Variants in JAK2 observed in about 807,000 individuals in gnomAD.
The protein encoded by JAK2 is Janus kinase 2, also known as tyrosine-protein kinase JAK2.
A neutral mutation model predicts 139.3 loss-of-function variants in JAK2; 86 were observed. That is an observed-to-expected ratio of 0.62 (90% CI 0.52 to 0.74). The LOEUF is 0.74. Among genes scored for constraint, JAK2 ranks in the 30% least tolerant of loss-of-function variants. The probability of loss-of-function intolerance (pLI) is 0.00; values close to 1 mark genes in which losing one functional copy is unlikely to be tolerated. For missense variants in JAK2, 1,421 were observed against 1,360.3 expected (o/e 1.04, Z -0.70); for synonymous variants, 490 against 437.7 (o/e 1.12, Z -1.49).
intron 22 of JAK2, among the ~76,000 whole-genome samples, chr9:5,116,472 A>T (rs533748644): frequency 7.2e-4 from 110 of 152,336 alleles, no homozygotes; most frequent in Non-Finnish European, 1.3e-3. Flanking sequence ...GACTCATCTA[A>T]AAATAATCAT....
intron 22 of JAK2, chr9:5,112,280 C>G (rs1371693564): frequency 1.1e-5 from 3 of 268,162 alleles, no homozygotes; most frequent in African/African-American, 2.3e-5. Context: ...CAGCGCCAGC[C>G]TCATGCACAT....
intron 2 of JAK2, among the ~76,000 whole-genome samples, chr9:5,013,489 T>G (rs1350863153): frequency 6.6e-6 from 1 of 152,234 alleles, no homozygotes; most frequent in Non-Finnish European, 1.5e-5. Flanking sequence ...CCATTGCCTT[T>G]TGGGACATTT....
At chr9:5,077,681 TG>T in intron 15 of JAK2, 101 bp downstream of exon 15, 9 of 648,176 alleles carry the variant, frequency 1.4e-5, no homozygotes, top group African/African-American at 1.9e-5. Flanking sequence ...TGTAATTGGA[TG>T]CCAATTCATG....
At chr9:5,056,856 A>G (rs1312945475) in intron 8 of JAK2, among the ~76,000 whole-genome samples, 4 of 152,192 alleles carry the variant, frequency 2.6e-5, no homozygotes, top group Non-Finnish European at 5.9e-5. Flanking sequence ...TAAGTCTGCA[A>G]TACAGAGAAG....
chr9:5,063,591 A>G (rs1818339291), intron 8 of JAK2, among the ~76,000 whole-genome samples: 1 of 152,144 alleles, frequency 6.6e-6, no homozygotes, highest in African/African-American at 2.4e-5. Flanking sequence ...TGTGATTGAG[A>G]CAAATTAGAA....
chr9:5,090,216 G>T (rs1421074922), intron 20 of JAK2, among the ~76,000 whole-genome samples: 1 of 152,188 alleles, frequency 6.6e-6, no homozygotes, highest in African/African-American at 2.4e-5. Context: ...TGGTTTGCCT[G>T]AAGAGTTATA....
At chr9:4,998,445 C>T (rs866641770) in intron 2 of JAK2, among the ~76,000 whole-genome samples, 18 of 152,134 alleles carry the variant, frequency 1.2e-4, no homozygotes, top group Admixed American at 2.6e-4. Flanking sequence ...TTAGTAGAGA[C>T]GGGGTTTCAC....
intron 2 of JAK2, among the ~76,000 whole-genome samples, chr9:5,013,812 T>A (rs1345326912): frequency 6.6e-6 from 1 of 152,194 alleles, no homozygotes; most frequent in African/African-American, 2.4e-5. Context: ...GATGTGTAAT[T>A]TACTATAAAT....
intron 15 of JAK2, 87 bp from the exon 16 acceptor site, chr9:5,078,219 T>G: frequency 8.9e-7 from 1 of 1,121,652 alleles, no homozygotes; most frequent in South Asian, 1.8e-5. Context: ...TTTTTCTTCT[T>G]TAAATCTGTT....
At chr9:5,075,965 T>C (rs1197782716) in intron 14 of JAK2, among the ~76,000 whole-genome samples, 1 of 152,162 alleles carries the variant, frequency 6.6e-6, no homozygotes, top group Non-Finnish European at 1.5e-5. Context: ...AAGTTCATTC[T>C]AACCCTCCTG....
chr9:5,125,596 G>T (rs1823932030), intron 23 of JAK2, among the ~76,000 whole-genome samples: 1 of 151,470 alleles, frequency 6.6e-6, no homozygotes, highest in Non-Finnish European at 1.5e-5. Flanking sequence ...TAGAAAAGCT[G>T]TGCCAAATTA....
intron 2 of JAK2, among the ~76,000 whole-genome samples, chr9:4,997,560 C>T (rs1355188513): frequency 6.6e-6 from 1 of 152,178 alleles, no homozygotes; most frequent in Non-Finnish European, 1.5e-5. Flanking sequence ...CCCCCATGAT[C>T]AAGTCACCTC....
chr9:5,074,466 T>G (rs1295111307), intron 14 of JAK2, among the ~76,000 whole-genome samples: 1 of 151,942 alleles, frequency 6.6e-6, no homozygotes, highest in Non-Finnish European at 1.5e-5. Context: ...TTTCAAACTT[T>G]AAAAAAATCA....
chr9:5,004,237 C>T (rs965023253), intron 2 of JAK2, among the ~76,000 whole-genome samples: 10 of 152,124 alleles, frequency 6.6e-5, no homozygotes, highest in African/African-American at 2.4e-4. Flanking sequence ...GTTTACTCCT[C>T]CTATCTAACA....
intron 4 of JAK2, among the ~76,000 whole-genome samples, chr9:5,032,296 G>T (rs191902769): frequency 1.9e-4 from 29 of 152,290 alleles, no homozygotes; most frequent in African/African-American, 5.8e-4. Flanking sequence ...GAGGCCTGCC[G>T]GCCTCTGTAG....
chr9:5,086,032 C>T (rs1820075529), intron 19 of JAK2: 5 of 778,874 alleles, frequency 6.4e-6, no homozygotes. Context: ...TTTGGACAGG[C>T]AGGTGTTAAA....
At chr9:5,117,067 A>G (rs1306995203) in intron 22 of JAK2, among the ~76,000 whole-genome samples, 2 of 152,180 alleles carry the variant, frequency 1.3e-5, no homozygotes, top group East Asian at 3.8e-4. Flanking sequence ...ACTTTCATCC[A>G]TGTGAGGACA....
chr9:5,115,039 C>T (rs994804420), intron 22 of JAK2, among the ~76,000 whole-genome samples: 1 of 152,144 alleles, frequency 6.6e-6, no homozygotes, highest in African/African-American at 2.4e-5. Flanking sequence ...ACACCAAAAG[C>T]AATGGCAACA....
intron 22 of JAK2, chr9:5,112,543 C>T (rs1564016666): frequency 3.3e-6 from 2 of 599,858 alleles, no homozygotes; most frequent in East Asian, 3.0e-5. Flanking sequence ...GTGGGAGAAG[C>T]AGGTGGCCAA....
Sources: allele counts gnomAD v4.1 joint callset (sites outside exome capture counted in the v4.1 genomes callset), GRCh38; gene constraint gnomAD v4.1.1; transcripts MANE v1.5; gene names NCBI Gene and HGNC (gene_info 2026-07-23, HGNC 2026-07-21).